The following MPZL1 variants were observed in gnomAD, a reference collection of about 807,000 sequenced individuals.
MPZL1 encodes myelin protein zero like 1, also known as myelin protein zero-like protein 1.
In MPZL1, 16 loss-of-function variants were observed where a neutral mutation model predicts 29.3. That is an observed-to-expected ratio of 0.55 (90% CI 0.37 to 0.83). MPZL1 has a LOEUF of 0.83. Among genes scored for constraint, MPZL1 ranks in the 40% least tolerant of loss-of-function variants. MPZL1 has a pLI of 0.00. For synonymous variants in MPZL1, 143 were observed against 132.0 expected (o/e 1.08, Z -0.57); for missense variants, 279 against 332.9 (o/e 0.84, Z 1.26).
intron 1 of MPZL1, among the ~76,000 whole-genome samples, chr1:167,727,704 A>G (rs892933663): frequency 6.6e-6 from 1 of 152,096 alleles, no homozygotes; most frequent in Non-Finnish European, 1.5e-5. Flanking sequence ...GCAGTGCCCT[A>G]GAGTCCAGAC....
rs1661683858 is a variant in MPZL1, at chr1:167,790,408, CAT to C, written c.*2488_*2489del. ...CCCCCCAGGCAAGGGCAGCTGCCAG[CAT>C]GGTGCTCTGCCAGGACAGGTTTCCC... On this transcript the variant is annotated 3_prime_UTR_variant, in exon 6 of 6. Transcript: ENST00000359523. 6.6e-6 allele frequency: 1 copy of C among 152,362 alleles called. No homozygotes were observed. Among genetic ancestry groups the C allele is most frequent in the African/African-American group, 2.4e-5 (1 of 41,460 alleles). 9.4% of individuals were successfully genotyped at this position (152,362 alleles called of 1,614,324 possible).
chr1:167,763,863 A>C (rs1661050673), intron 1 of MPZL1, among the ~76,000 whole-genome samples: 1 of 152,234 alleles, frequency 6.6e-6, no homozygotes, highest in African/African-American at 2.4e-5. Flanking sequence ...CAGAAAAAAA[A>C]ATCTGCTTGA....
At chr1:167,761,697 A>T (rs1660991364) in intron 1 of MPZL1, among the ~76,000 whole-genome samples, 1 of 152,200 alleles carries the variant, frequency 6.6e-6, no homozygotes, top group African/African-American at 2.4e-5. Context: ...CAGCATTAAG[A>T]GTCCCTTTAA....
At chr1:167,739,319 ATATT>A in intron 1 of MPZL1, among the ~76,000 whole-genome samples, 1 of 141,404 alleles carries the variant, frequency 7.1e-6, no homozygotes, top group East Asian at 2.0e-4. Context: ...ACACATATAT[ATATT>A]TATGTTTATT....
At chr1:167,784,540 G>GC (rs1321355135) in intron 5 of MPZL1, among the ~76,000 whole-genome samples, 2 of 152,178 alleles carry the variant, frequency 1.3e-5, no homozygotes, top group African/African-American at 4.8e-5. Flanking sequence ...GTCCTGAGCA[G>GC]CCTCATTTGC....
At chr1:167,767,415 C>T (rs1330654860) in intron 2 of MPZL1, among the ~76,000 whole-genome samples, 3 of 152,154 alleles carry the variant, frequency 2.0e-5, no homozygotes, top group African/African-American at 4.8e-5. Flanking sequence ...TTTTAAAGAG[C>T]GGTTCCATTT....
At chr1:167,730,105 G>A (rs980559189) in intron 1 of MPZL1, among the ~76,000 whole-genome samples, 5 of 152,078 alleles carry the variant, frequency 3.3e-5, no homozygotes, top group African/African-American at 4.8e-5. Context: ...TCTTCTTTGG[G>A]GTGATGTTTG....
chr1:167,740,333 T>C (rs1293072050), intron 1 of MPZL1, among the ~76,000 whole-genome samples: 2 of 152,182 alleles, frequency 1.3e-5, no homozygotes, highest in Non-Finnish European at 2.9e-5. Context: ...CACTTTCTTC[T>C]GTCCAGCCAT....
At chr1:167,758,426 A>AT (rs1428569595) in intron 1 of MPZL1, among the ~76,000 whole-genome samples, 1 of 152,212 alleles carries the variant, frequency 6.6e-6, no homozygotes, top group African/African-American at 2.4e-5. Flanking sequence ...AATTCAGAAT[A>AT]TTGAAATAGG....
At chr1:167,746,099 T>C (rs1571145648) in intron 1 of MPZL1, among the ~76,000 whole-genome samples, 1 of 152,200 alleles carries the variant, frequency 6.6e-6, no homozygotes, top group East Asian at 1.9e-4. Flanking sequence ...AAAAAATACC[T>C]ATGATTAGAC....
chr1:167,761,411 A>G (rs1019310098), intron 1 of MPZL1, among the ~76,000 whole-genome samples: 1 of 152,198 alleles, frequency 6.6e-6, no homozygotes, highest in African/African-American at 2.4e-5. Flanking sequence ...GGAGAGGTTC[A>G]TCCTGGAGAG....
chr1:167,781,714 A>G (rs777490640), intron 5 of MPZL1, among the ~76,000 whole-genome samples: 6 of 152,192 alleles, frequency 3.9e-5, no homozygotes, highest in Non-Finnish European at 7.4e-5. Flanking sequence ...GAATTAATAA[A>G]GAGAAGAGCT....
chr1:167,747,107 C>G (rs1660662284), intron 1 of MPZL1, among the ~76,000 whole-genome samples: 1 of 152,188 alleles, frequency 6.6e-6, no homozygotes, highest in African/African-American at 2.4e-5. Context: ...TCTGTTGTTT[C>G]AGCCTAATTT....
Position 167,748,465 on chromosome 1 carries a change from C to T in MPZL1, c.92-17118C>T, listed in dbSNP as rs376049721. Among the ~76,000 whole-genome samples, 4 of 152,088 alleles carry T rather than the reference C, an allele frequency of 2.6e-5. No individual in the cohort carries two copies. In the East Asian group the frequency reaches 5.8e-4, roughly 22 times the overall value. On this transcript the variant is annotated intron_variant, in intron 1 of 5. Transcript: ENST00000359523. Reference sequence around the variant, plus strand: ...GGAGAAATGATATTCATGTACATTACCCATTTTTAAATTGTTTAATCTTTG... The same window carrying T: ...GGAGAAATGATATTCATGTACATTATCCATTTTTAAATTGTTTAATCTTTG...
intron 1 of MPZL1, among the ~76,000 whole-genome samples, chr1:167,756,582 T>G (rs1660873737): frequency 6.6e-6 from 1 of 152,148 alleles, no homozygotes. Flanking sequence ...GATCCTGAAT[T>G]ATCTCTGCAG....
At chr1:167,727,241 A>G (rs1352019574) in intron 1 of MPZL1, among the ~76,000 whole-genome samples, 1 of 152,156 alleles carries the variant, frequency 6.6e-6, no homozygotes, top group Non-Finnish European at 1.5e-5. Flanking sequence ...CCTACTAAAT[A>G]TTTCTCACCA....
rs1211301757 is a variant in MPZL1, at chr1:167,787,821, G to T, written c.710G>T (p.Gly237Val). The change falls in exon 6 of 6, where the codon GGC (glycine) becomes GTC (valine). Residue 237 changes from glycine to valine, a missense_variant and splice_region_variant. By Grantham distance (109) the Gly-to-Val change is moderately radical. Transcript: ENST00000359523. ...AATCCTTCTGCTTCCCTTTTCCAGG[G>T]CCCAGTCATATATGCACAGTTAGAC... ...VKSLPSGSHQ[G>V]PVIYAQLDHS... The T allele has an allele frequency of 1.9e-6, 3 of 1,610,400 alleles. No homozygotes were observed. The South Asian group carries it at 3.3e-5, about 18-fold the overall frequency.
chr1:167,765,480 A>G (rs3830183), intron 1 of MPZL1, 103 bp from the exon 2 acceptor site: 39,309 of 918,908 alleles, frequency 0.043, 998 homozygotes, highest in Middle Eastern at 0.099. Flanking sequence ...GAATTACTGT[A>G]TATATCTAGT....
At chr1:167,752,107 C>G (rs1252817826) in intron 1 of MPZL1, among the ~76,000 whole-genome samples, 2 of 152,188 alleles carry the variant, frequency 1.3e-5, no homozygotes, top group African/African-American at 4.8e-5. Flanking sequence ...CTATTCCAGC[C>G]AAATTCATCT....
Sources: allele counts gnomAD v4.1 joint callset (sites outside exome capture counted in the v4.1 genomes callset), GRCh38; gene constraint gnomAD v4.1.1; transcripts MANE v1.5; gene names NCBI Gene and HGNC (gene_info 2026-07-23, HGNC 2026-07-21).